Variants in EFTUD2 observed in about 807,000 individuals in gnomAD.
EFTUD2 encodes the protein elongation factor Tu GTP binding domain containing 2.
EFTUD2 carries 9 observed loss-of-function variants against 114.3 expected under a neutral mutation model. That is an observed-to-expected ratio of 0.08 (90% CI 0.05 to 0.14). EFTUD2 has a LOEUF of 0.14. EFTUD2 is among the 10% of genes least tolerant of loss of function. The pLI, the probability that EFTUD2 is intolerant of heterozygous loss-of-function variation, is 1.00. For synonymous variants in EFTUD2, 449 were observed against 462.3 expected (o/e 0.97, Z 0.37); for missense variants, 765 against 1,241.2 (o/e 0.62, Z 5.76).
intron 8 of EFTUD2, 100 bp downstream of exon 8, chr17:44,880,453 TA>T (rs1326649305): frequency 5.4e-5 from 43 of 802,714 alleles, no homozygotes. Context: ...TGAGGGAATG[TA>T]AAAACAAAGA....
intron 26 of EFTUD2, 138 bp from the exon 27 acceptor site, chr17:44,851,955 T>C: frequency 1.3e-6 from 1 of 799,716 alleles, no homozygotes; most frequent in Non-Finnish European, 1.9e-6. Flanking sequence ...TTCGCTCTTG[T>C]CTCCCAGGCT....
At position 44,854,423 on chromosome 17, in the gene EFTUD2, G is replaced by A; in HGVS notation, c.2260-67C>T. 1.3e-6 allele frequency: 2 copies of A among 1,584,946 alleles called. No individual in the cohort carries two copies. The highest frequency in any genetic ancestry group is 1.1e-5 in the South Asian group (1 of 88,330). On this transcript the variant is annotated intron_variant, in intron 22 of 27. Coordinates refer to ENST00000426333, the MANE Select transcript of EFTUD2 (RefSeq NM_004247.4). This position sits in a 1 kb window ranked among gnomAD's most constrained non-coding sequence, Gnocchi z 4.3. ...ACGGCTGAAGCATTTAGAGGGAGAAGACAGATGTGCCTGTAAGGGGATACT... is the reference window on the plus strand; with the variant it reads ...ACGGCTGAAGCATTTAGAGGGAGAAAACAGATGTGCCTGTAAGGGGATACT...
At chr17:44,851,628 G>C in intron 27 of EFTUD2, 82 bp downstream of exon 27, 1 of 1,356,522 alleles carries the variant, frequency 7.4e-7, no homozygotes, top group Non-Finnish European at 9.9e-7. Flanking sequence ...TTAGGAAAAG[G>C]GGCCAAAAGA....
chr17:44,863,690 C>G lies in EFTUD2; in HGVS notation c.1378G>C (p.Asp460His). The change falls in exon 15 of 28, where the codon GAC becomes CAC. Residue 460 changes from aspartate (D) to histidine (H), a missense_variant. Physicochemically the swap from Asp to His is moderately conservative, Grantham distance 81. Transcript: ENST00000426333. ...EHTYTGGVDS[D>H]LGEAMSDCDP... is the part of the protein sequence containing the mutation. The stretch of plus-strand genomic sequence containing the variant: ...CAGTCACTCATAGCCTCGCCGAGGT[C>G]GGAGTCCACACCACCGGTGTAGGTG... 3 of 1,614,118 alleles carry G rather than the reference C, an allele frequency of 1.9e-6. No homozygotes were observed. Among genetic ancestry groups the G allele is most frequent in the Non-Finnish European group, 2.5e-6 (3 of 1,180,006 alleles).
At chr17:44,867,527 T>C (rs2050770385) in intron 13 of EFTUD2, among the ~76,000 whole-genome samples, 1 of 152,060 alleles carries the variant, frequency 6.6e-6, no homozygotes, top group South Asian at 2.1e-4. Context: ...CTCAAGCTCC[T>C]GAGCTCAGGC....
chr17:44,856,740 C>T (rs888136394), intron 20 of EFTUD2, among the ~76,000 whole-genome samples: 2 of 146,674 alleles, frequency 1.4e-5, no homozygotes, highest in Non-Finnish European at 3.0e-5. Flanking sequence ...AAAGTTGAGG[C>T]TGCACTCCAG....
intron 9 of EFTUD2, among the ~76,000 whole-genome samples, chr17:44,876,685 G>T (rs1167087815): frequency 6.6e-6 from 1 of 151,500 alleles, no homozygotes; most frequent in East Asian, 1.9e-4. Context: ...ACCCTGTCTC[G>T]ACTAAAAATA....
intron 2 of EFTUD2, among the ~76,000 whole-genome samples, chr17:44,889,438 T>C (rs1313866254): frequency 1.3e-5 from 2 of 152,176 alleles, no homozygotes; most frequent in African/African-American, 4.8e-5. Context: ...TGACATTTTA[T>C]CTGTGTATGC....
Position 44,853,379 on chromosome 17 carries a change from A to G in EFTUD2, c.2478T>C (p.Arg826=), listed in dbSNP as rs2050490764. ...VYSAFLMATP[R]LMEPYYFVEV... ...CTACAAAGTAGTAAGGCTCCATCAG[A>G]CGAGGAGTAGCCTGCAGCAGAGCAA... The change falls in exon 25 of 28, where the codon CGT becomes CGC. Residue 826 remains arginine (R), a synonymous_variant. Coordinates refer to ENST00000426333, the MANE Select transcript of EFTUD2 (RefSeq NM_004247.4). 1 of 1,614,022 alleles carries G rather than the reference A, an allele frequency of 6.2e-7. No homozygotes were observed. The highest frequency in any genetic ancestry group is 1.3e-5 in the African/African-American group (1 of 74,912).
intron 12 of EFTUD2, 115 bp downstream of exon 12, chr17:44,868,172 T>TA (rs2050784863): frequency 5.4e-6 from 5 of 926,432 alleles, no homozygotes; most frequent in African/African-American, 1.8e-5. Context: ...GTAGTTTACA[T>TA]TAAAAAAAAA....
Position 44,863,704 on chromosome 17 carries a change from C to T in EFTUD2, c.1364G>A (p.Gly455Asp). 6.2e-7 allele frequency: 1 copy of T among 1,614,162 alleles called. No individual in the cohort carries two copies. Among genetic ancestry groups the T allele is most frequent in the East Asian group, 2.2e-5 (1 of 44,880 alleles). The change falls in exon 15 of 28, where the codon GGT becomes GAT. Residue 455 changes from glycine to aspartate, a missense_variant. Gly to Asp is a moderately conservative substitution (Grantham distance 94, BLOSUM62 -1). Coordinates refer to ENST00000426333, the MANE Select transcript of EFTUD2 (RefSeq NM_004247.4). The part of the protein sequence containing the change: ...AKPKIEHTYT[G>D]GVDSDLGEAM... ...CTCGCCGAGGTCGGAGTCCACACCACCGGTGTAGGTGTGCTCAATCTTGGG... is the reference window on the plus strand; with the variant it reads ...CTCGCCGAGGTCGGAGTCCACACCATCGGTGTAGGTGTGCTCAATCTTGGG...
At chr17:44,869,449 C>T (rs1221773768) in intron 11 of EFTUD2, among the ~76,000 whole-genome samples, 1 of 152,154 alleles carries the variant, frequency 6.6e-6, no homozygotes, top group Non-Finnish European at 1.5e-5. Flanking sequence ...CAGGTGTGCG[C>T]CATCACGGCC....
At chr17:44,865,169 A>C in intron 13 of EFTUD2, 104 bp from the exon 14 acceptor site, 8 of 1,491,852 alleles carry the variant, frequency 5.4e-6, no homozygotes, top group Non-Finnish European at 7.2e-6. Context: ...CTCCTTCACA[A>C]GGCTCTCTTC....
At chr17:44,852,840 C>T (rs1349663768) in intron 25 of EFTUD2, among the ~76,000 whole-genome samples, 1 of 152,012 alleles carries the variant, frequency 6.6e-6, no homozygotes, top group Non-Finnish European at 1.5e-5. Flanking sequence ...TGCCTCAGCA[C>T]TGCCTCCAAC....
chr17:44,856,612 A>G (rs1277558670), intron 20 of EFTUD2, among the ~76,000 whole-genome samples: 1 of 152,128 alleles, frequency 6.6e-6, no homozygotes, highest in Non-Finnish European at 1.5e-5. Context: ...CCAAGATGGG[A>G]GGAACACTTG....
intron 1 of EFTUD2, among the ~76,000 whole-genome samples, chr17:44,898,564 G>A (rs548943444): frequency 7.2e-5 from 11 of 152,280 alleles, no homozygotes; most frequent in African/African-American, 2.2e-4. Context: ...AACAAGCCAA[G>A]CTCATTTCTG....
intron 10 of EFTUD2, among the ~76,000 whole-genome samples, chr17:44,873,703 G>A (rs2050894975): frequency 6.7e-6 from 1 of 150,334 alleles, no homozygotes. Flanking sequence ...TAGTAAATCA[G>A]GTTAAGTTCA....
At chr17:44,897,494 G>C (rs1055777403) in intron 1 of EFTUD2, among the ~76,000 whole-genome samples, 2 of 152,216 alleles carry the variant, frequency 1.3e-5, no homozygotes, top group Non-Finnish European at 2.9e-5. Context: ...GACAAACTCT[G>C]ACCTGTGGCC....
At chr17:44,855,079 A>G (rs1171025996) in intron 20 of EFTUD2, 75 bp from the exon 21 acceptor site, 1 of 1,326,398 alleles carries the variant, frequency 7.5e-7, no homozygotes, top group Non-Finnish European at 1.1e-6. Flanking sequence ...AAAGGGTAAC[A>G]AGACGGACAG....
Sources: allele counts gnomAD v4.1 joint callset (sites outside exome capture counted in the v4.1 genomes callset), GRCh38; gene constraint gnomAD v4.1.1; non-coding constraint Gnocchi (gnomAD v3.1); transcripts MANE v1.5; gene names NCBI Gene and HGNC (gene_info 2026-07-23, HGNC 2026-07-21).